TANC2: variants seen among roughly 807,000 people sequenced by gnomAD.
TANC2 encodes the protein protein TANC2.
A neutral mutation model predicts 210.5 loss-of-function variants in TANC2; 26 were observed. The ratio of observed to expected loss-of-function variants is 0.12; its 90% CI spans 0.09 to 0.17. The LOEUF (loss-of-function observed/expected upper bound fraction) is 0.17. Ranked by LOEUF, TANC2 falls within the 10% of genes least tolerant of loss-of-function variation. The probability of loss-of-function intolerance (pLI) is 1.00; values close to 1 mark genes in which losing one functional copy is unlikely to be tolerated. For missense variants in TANC2, 2,129 were observed against 2,608.9 expected, an observed-to-expected ratio of 0.82 and a Z score of 4.01; for synonymous variants, 931 against 967.1, an observed-to-expected ratio of 0.96 and a Z score of 0.69.
At chr17:62,994,549 A>G (rs1035581379) in intron 1 of TANC2, among the ~76,000 whole-genome samples, 6 of 151,940 alleles carry the variant, frequency 3.9e-5, no homozygotes, top group Non-Finnish European at 7.4e-5. Flanking sequence ...TATGTTGAGT[A>G]TTTCTTTTTT....
chr17:63,373,268 G>A (rs1411088953), intron 14 of TANC2, among the ~76,000 whole-genome samples: 2 of 152,072 alleles, frequency 1.3e-5, no homozygotes, highest in Non-Finnish European at 2.9e-5. Context: ...ACGCTTCCTA[G>A]AGCTGTCTCT....
intron 19 of TANC2, among the ~76,000 whole-genome samples, chr17:63,401,251 C>T (rs1407596086): frequency 6.6e-6 from 1 of 152,168 alleles, no homozygotes; most frequent in Non-Finnish European, 1.5e-5. Flanking sequence ...GGTGGGGGCT[C>T]ATATCTGCAA....
intron 4 of TANC2, among the ~76,000 whole-genome samples, chr17:63,115,625 T>C (rs1024046972): frequency 2.6e-5 from 4 of 152,200 alleles, no homozygotes; most frequent in African/African-American, 2.4e-5. Flanking sequence ...TGGAAAAATA[T>C]TTACCCTTTC....
At chr17:63,157,281 T>C (rs1378242412) in intron 5 of TANC2, among the ~76,000 whole-genome samples, 1 of 152,148 alleles carries the variant, frequency 6.6e-6, no homozygotes. Context: ...TTTTGGGGTA[T>C]GATTTTCTGT....
At chr17:63,290,854 T>G (rs1341739200) in intron 9 of TANC2, among the ~76,000 whole-genome samples, 1 of 152,198 alleles carries the variant, frequency 6.6e-6, no homozygotes, top group Non-Finnish European at 1.5e-5. Context: ...AGGTTCTCCA[T>G]AAGCTACAAT....
At chr17:63,098,144 G>A (rs1287297333) in intron 3 of TANC2, among the ~76,000 whole-genome samples, 2 of 151,860 alleles carry the variant, frequency 1.3e-5, no homozygotes, top group Non-Finnish European at 2.9e-5. Context: ...CTCTGTTATT[G>A]TTAATTAAGG....
intron 21 of TANC2, among the ~76,000 whole-genome samples, chr17:63,410,095 G>A (rs2048642815): frequency 6.6e-6 from 1 of 152,108 alleles, no homozygotes; most frequent in Admixed American, 6.5e-5. Flanking sequence ...TATACATTGT[G>A]GAATGGCTAA....
At chr17:63,299,827 T>G (rs1317381939) in intron 9 of TANC2, among the ~76,000 whole-genome samples, 1 of 152,192 alleles carries the variant, frequency 6.6e-6, no homozygotes, top group Admixed American at 6.5e-5. Flanking sequence ...TGGCAATTAT[T>G]TTTGGCATTT....
At chr17:63,132,103 C>A (rs1395165540) in intron 4 of TANC2, among the ~76,000 whole-genome samples, 1 of 152,030 alleles carries the variant, frequency 6.6e-6, no homozygotes, top group Non-Finnish European at 1.5e-5. Flanking sequence ...TTCTCTTTAC[C>A]ATACAGTGTT....
chr17:62,999,807 T>G (rs1450212084), intron 1 of TANC2, among the ~76,000 whole-genome samples: 2 of 152,222 alleles, frequency 1.3e-5, no homozygotes, highest in Non-Finnish European at 2.9e-5. Context: ...CATAGCTCTG[T>G]TCACAATAGC....
At chr17:62,988,295 CTTTTTTTTTTTT>C (rs59386058) in intron 1 of TANC2, among the ~76,000 whole-genome samples, 1 of 111,738 alleles carries the variant, frequency 8.9e-6, no homozygotes, top group Admixed American at 9.4e-5. Flanking sequence ...ACCTGGCTAA[CTTTTTTTTTTTT>C]TTTTTTTTTT....
intron 1 of TANC2, among the ~76,000 whole-genome samples, chr17:62,989,903 TG>T (rs2032770949): frequency 6.6e-6 from 1 of 151,536 alleles, no homozygotes; most frequent in South Asian, 2.1e-4. Flanking sequence ...CCTGAGTAGC[TG>T]GGACTACAGG....
At chr17:63,409,361 A>G (rs1452224264) in intron 21 of TANC2, among the ~76,000 whole-genome samples, 1 of 151,736 alleles carries the variant, frequency 6.6e-6, no homozygotes, top group Non-Finnish European at 1.5e-5. Context: ...CTAATTTTTT[A>G]GTTTTTTGTA....
chr17:63,291,278 A>G (rs1046583122), intron 9 of TANC2, among the ~76,000 whole-genome samples: 2 of 152,186 alleles, frequency 1.3e-5, no homozygotes, highest in African/African-American at 4.8e-5. Context: ...TTCTTTTATT[A>G]TATAGTACAG....
intron 3 of TANC2, among the ~76,000 whole-genome samples, chr17:63,089,687 C>T (rs890348789): frequency 1.3e-5 from 2 of 152,002 alleles, no homozygotes; most frequent in Non-Finnish European, 2.9e-5. Flanking sequence ...TAAATCTTTG[C>T]ATGAAAGAAC....
At chr17:63,113,977 GA>G (rs2038154163) in intron 4 of TANC2, among the ~76,000 whole-genome samples, 1 of 152,072 alleles carries the variant, frequency 6.6e-6, no homozygotes, top group South Asian at 2.1e-4. Context: ...ACGATTTTTA[GA>G]AAAAATTATG....
In TANC2 at chr17:63,051,332, G is replaced by C. The variant is rs748396171; in HGVS notation, c.68-22611G>C. ...TTTGTGTCTTTGCAAATAAAATCTG[G>C]TACTGTTCCTGAAAACCCTAGCTCA... On this transcript the variant is annotated intron_variant, in intron 2 of 27. Transcript: ENST00000689528. Among the ~76,000 whole-genome samples, 53 of 152,064 alleles carry C rather than the reference G, an allele frequency of 3.5e-4. 1 individual carries two copies. Among genetic ancestry groups the C allele is most frequent in the Non-Finnish European group, 2.2e-4 (15 of 68,018 alleles).
At chr17:63,147,297 C>G (rs1465282907) in intron 4 of TANC2, among the ~76,000 whole-genome samples, 1 of 151,984 alleles carries the variant, frequency 6.6e-6, no homozygotes, top group East Asian at 1.9e-4. Flanking sequence ...TTGCAGTGAC[C>G]TGAGATCACA....
Position 63,032,682 on chromosome 17 carries a change from G to GATAT in TANC2, c.67+23059_67+23060insTATA, listed in dbSNP as rs2034820785. Reference sequence around the variant, plus strand: ...TCAAGTGCTTGCTAGAGCTACTGGAGATACAGCAGTGCTATATATCAGATC... The same window carrying GATAT: ...TCAAGTGCTTGCTAGAGCTACTGGAGATATATACAGCAGTGCTATATATCAGATC... On this transcript the variant is annotated intron_variant, in intron 2 of 27. Transcript: ENST00000689528. Among the ~76,000 whole-genome samples the GATAT allele has an allele frequency of 2.6e-5, 4 of 152,272 alleles. No individual in the cohort carries two copies. The South Asian group carries it at 8.3e-4, about 32-fold the overall frequency.
Sources: gnomAD v4.1 joint callset for allele counts (sites outside exome capture counted in the v4.1 genomes callset) on GRCh38, gnomAD v4.1.1 for gene constraint, MANE v1.5 for transcripts, NCBI Gene and HGNC (gene_info 2026-07-23, HGNC 2026-07-21) for gene names.